TGIF1: variants seen among roughly 807,000 people sequenced by gnomAD.
TGIF1 encodes the protein TGFB induced factor homeobox 1.
A neutral mutation model predicts 19.3 loss-of-function variants in TGIF1; 4 were observed. That is an observed-to-expected ratio of 0.21 (90% CI 0.10 to 0.47). The LOEUF (loss-of-function observed/expected upper bound fraction) is 0.47. Among genes scored for constraint, TGIF1 ranks in the 20% least tolerant of loss-of-function variants. The probability of loss-of-function intolerance (pLI) is 0.98; values close to 1 mark genes in which losing one functional copy is unlikely to be tolerated. For synonymous variants in TGIF1, 122 were observed against 129.3 expected, an observed-to-expected ratio of 0.94 and a Z score of 0.38; for missense variants, 275 against 341.4, an observed-to-expected ratio of 0.81 and a Z score of 1.53.
intron 2 of TGIF1, among the ~76,000 whole-genome samples, chr18:3,439,468 C>T (rs2082655993): frequency 6.6e-6 from 1 of 151,752 alleles, no homozygotes; most frequent in South Asian, 2.1e-4. Context: ...CTCAGCCACC[C>T]GATTAGCTGG....
chr18:3,415,742 G>C (rs2082324013), intron 1 of TGIF1, among the ~76,000 whole-genome samples: 2 of 152,224 alleles, frequency 1.3e-5, no homozygotes, highest in African/African-American at 4.8e-5. Flanking sequence ...TTGAATGGGG[G>C]GCAAGTTTGG....
intron 2 of TGIF1, among the ~76,000 whole-genome samples, chr18:3,432,034 A>G (rs543917121): frequency 2.7e-5 from 4 of 150,610 alleles, no homozygotes; most frequent in Admixed American, 1.3e-4. Flanking sequence ...AGGCTGAGGC[A>G]GGAGAATGGC....
upstream of TGIF1, chr18:3,449,292 G>A (rs1280331350): frequency 4.8e-6 from 3 of 623,326 alleles, no homozygotes; most frequent in Admixed American, 6.3e-5. Flanking sequence ...GAGCAGGCAC[G>A]GCGTGGTCAC....
chr18:3,433,726 C>T (rs922684874), intron 2 of TGIF1, among the ~76,000 whole-genome samples: 2 of 152,128 alleles, frequency 1.3e-5, no homozygotes, highest in African/African-American at 4.8e-5. Context: ...GTCTGGAGTG[C>T]TCTGGTTTAA....
At chr18:3,447,772 C>T (rs779566360), upstream of TGIF1, 6 of 1,614,148 alleles carry the variant, frequency 3.7e-6, no homozygotes, top group Admixed American at 1.7e-5. Context: ...GTGCATTGGC[C>T]CGATCAAGCC....
intron 2 of TGIF1, among the ~76,000 whole-genome samples, chr18:3,444,517 T>A (rs2082716411): frequency 6.6e-6 from 1 of 152,170 alleles, no homozygotes; most frequent in African/African-American, 2.4e-5. Context: ...TAAGTTCTTA[T>A]CATTTAGCTC....
intron 2 of TGIF1, among the ~76,000 whole-genome samples, chr18:3,422,982 C>T (rs2082426001): frequency 6.6e-6 from 1 of 152,104 alleles, no homozygotes; most frequent in Non-Finnish European, 1.5e-5. Context: ...AGCCACCGCG[C>T]CCAGGCTTTT....
rs897570252 is a variant in TGIF1, at chr18:3,450,229, G to A, written c.-261G>A. On this transcript the variant is annotated 5_prime_UTR_variant, in exon 1 of 3. Transcript: ENST00000343820. ...GCAGGGAACAAAGGAGCGGAGAGGG[G>A]AGGGGAGAGAGTTGGGCGAGGGAGA... The A allele has an allele frequency of 7.8e-6, 11 of 1,418,790 alleles. No individual in the cohort carries two copies. Among genetic ancestry groups the A allele is most frequent in the African/African-American group, 1.4e-5 (1 of 69,156 alleles). 87.9% of individuals were successfully genotyped at this position (1,418,790 alleles called of 1,614,324 possible).
chr18:3,426,636 C>G (rs1314666964), intron 2 of TGIF1, among the ~76,000 whole-genome samples: 1 of 152,140 alleles, frequency 6.6e-6, no homozygotes, highest in Non-Finnish European at 1.5e-5. Flanking sequence ...AATTCCCATT[C>G]ATTGCTAGTG....
Position 3,439,849 on chromosome 18 carries a change from G to A in TGIF1, c.-44-16505G>A, listed in dbSNP as rs138833233. Among the ~76,000 whole-genome samples, 704 of 151,552 alleles carry A rather than the reference G, an allele frequency of 4.6e-3. 3 individuals carry two copies. The highest frequency in any genetic ancestry group is 0.016 in the African/African-American group (668 of 41,346). On this transcript the variant is annotated intron_variant, in intron 2 of 3. Coordinates refer to the TGIF1 transcript ENST00000401449. ...CAGACTGGGCAACGTAGTGAAACCC[G>A]GTCTCTAAAAAAAATACAAAAATCA...
intron 2 of TGIF1, among the ~76,000 whole-genome samples, chr18:3,425,733 T>C (rs1283794134): frequency 6.6e-6 from 1 of 152,036 alleles, no homozygotes; most frequent in East Asian, 1.9e-4. Context: ...ACCCCTAACC[T>C]CCAGGCATGC....
At chr18:3,416,029 G>A (rs1412814334) in intron 1 of TGIF1, among the ~76,000 whole-genome samples, 1 of 152,188 alleles carries the variant, frequency 6.6e-6, no homozygotes, top group Non-Finnish European at 1.5e-5. Context: ...GCTGGGAGTA[G>A]GTATTTGATG....
intron 1 of TGIF1, among the ~76,000 whole-genome samples, chr18:3,454,760 CTGTT>C (rs949108103): frequency 5.3e-5 from 8 of 152,196 alleles, no homozygotes; most frequent in Non-Finnish European, 8.8e-5. Flanking sequence ...TTATTTGTAG[CTGTT>C]TGTTAAGCTG....
At chr18:3,437,044 G>T (rs898438019) in intron 2 of TGIF1, among the ~76,000 whole-genome samples, 11 of 151,576 alleles carry the variant, frequency 7.3e-5, no homozygotes, top group Non-Finnish European at 1.2e-4. Flanking sequence ...GGCAGAAGTT[G>T]CAGTGAGCCG....
Position 3,450,499 on chromosome 18 carries a change from A to C in TGIF1, c.10A>C (p.Lys4Gln). Residue 4 changes from lysine to glutamine, a missense_variant, in exon 1 of 3, where the codon AAG becomes CAG. Transcript: ENST00000343820. Reference sequence around the variant, plus strand: ...GGAGGGGAGATCCAGAATGAAAGGCAAGAAAGGTAAGGCGGCCGCGGGCTG... The same window carrying C: ...GGAGGGGAGATCCAGAATGAAAGGCCAGAAAGGTAAGGCGGCCGCGGGCTG... MKG[K>Q]KGIVAASGSE... is the part of the protein sequence containing the mutation. 1 of 1,563,162 alleles carries C rather than the reference A, an allele frequency of 6.4e-7. No individual in the cohort carries two copies. The highest frequency in any genetic ancestry group is 1.2e-5 in the South Asian group (1 of 84,834).
At chr18:3,440,433 G>C (rs2082667155) in intron 2 of TGIF1, among the ~76,000 whole-genome samples, 1 of 151,912 alleles carries the variant, frequency 6.6e-6, no homozygotes, top group South Asian at 2.1e-4. Flanking sequence ...AAAGCCATTT[G>C]GGTTGGTAAA....
intron 2 of TGIF1, among the ~76,000 whole-genome samples, chr18:3,442,520 CCTTA>C (rs2082688438): frequency 6.6e-6 from 1 of 151,334 alleles, no homozygotes; most frequent in Non-Finnish European, 1.5e-5. Flanking sequence ...ATAGGCTGTC[CCTTA>C]CTTATCATTT....
intron 2 of TGIF1, among the ~76,000 whole-genome samples, chr18:3,442,334 A>G (rs981057096): frequency 6.6e-6 from 1 of 152,186 alleles, no homozygotes; most frequent in Non-Finnish European, 1.5e-5. Context: ...TAATGGAAAG[A>G]AAAGGAATAA....
At chr18:3,450,049 GT>G, upstream of TGIF1, 1 of 1,005,568 alleles carries the variant, frequency 9.9e-7, no homozygotes, top group Non-Finnish European at 1.2e-6. Flanking sequence ...GCCGCGCTCG[GT>G]CCAGTCTTCC....
Sources: allele counts gnomAD v4.1 joint callset (sites outside exome capture counted in the v4.1 genomes callset), GRCh38; gene constraint gnomAD v4.1.1; transcripts MANE v1.5; gene names NCBI Gene and HGNC (gene_info 2026-07-23, HGNC 2026-07-21).